Variants in HOXC4 observed in about 807,000 individuals in gnomAD.
The protein encoded by HOXC4 is homeobox protein Hox-C4.
A neutral mutation model predicts 25.5 loss-of-function variants in HOXC4; 15 were observed. The ratio of observed to expected loss-of-function variants is 0.59; its 90% CI spans 0.39 to 0.91. The LOEUF is 0.91. Ranked by LOEUF, HOXC4 falls within the 40% of genes least tolerant of loss-of-function variation. The pLI is 0.00. For missense variants in HOXC4, 342 were observed against 352.4 expected, an observed-to-expected ratio of 0.97 and a Z score of 0.24; for synonymous variants, 165 against 148.0, an observed-to-expected ratio of 1.11 and a Z score of -0.83.
intron 1 of HOXC4, among the ~76,000 whole-genome samples, chr12:54,032,679 A>G (rs770478155): frequency 2.6e-5 from 4 of 152,160 alleles, no homozygotes; most frequent in Non-Finnish European, 5.9e-5. Context: ...TCTCCTTCAC[A>G]GTGTAGGAAA....
At chr12:54,045,963 A>G (rs369632216) in intron 1 of HOXC4, among the ~76,000 whole-genome samples, 1 of 152,190 alleles carries the variant, frequency 6.6e-6, no homozygotes, top group East Asian at 1.9e-4. Flanking sequence ...GAAGGGGGAG[A>G]GAAGAAAGGG....
At chr12:54,025,087 G>A (rs960491185) in intron 1 of HOXC4, among the ~76,000 whole-genome samples, 1 of 152,204 alleles carries the variant, frequency 6.6e-6, no homozygotes. Flanking sequence ...AAGGAGACCT[G>A]CAAGCCTGAT....
At chr12:54,046,533 G>A (rs1937708970) in intron 1 of HOXC4, among the ~76,000 whole-genome samples, 1 of 150,128 alleles carries the variant, frequency 6.7e-6, no homozygotes, top group Non-Finnish European at 1.5e-5. Context: ...TCTCCTTGAG[G>A]GAAATATATA....
chr12:54,052,851 G>T (rs557528567), upstream of HOXC4, among the ~76,000 whole-genome samples: 22 of 152,288 alleles, frequency 1.4e-4, no homozygotes, highest in African/African-American at 4.3e-4. Flanking sequence ...AAGCAAGCAG[G>T]CTCTACCCAC....
At chr12:54,031,609 A>T (rs1940990426) in intron 1 of HOXC4, among the ~76,000 whole-genome samples, 1 of 152,146 alleles carries the variant, frequency 6.6e-6, no homozygotes, top group Non-Finnish European at 1.5e-5. Context: ...GTGGGCCTAC[A>T]GGGAGAGGTG....
rs918126938 is a variant in HOXC4, at chr12:54,026,358, C to T, written c.-124+8944C>T. On this transcript the variant is annotated intron_variant, in intron 1 of 3. Coordinates refer to the HOXC4 transcript ENST00000303406. Reference sequence around the variant, plus strand: ...GTTGGAAACCTCTGCTCAGGCATGCCATGAATTCGAGGACAGCTGGATTCT... The same window carrying T: ...GTTGGAAACCTCTGCTCAGGCATGCTATGAATTCGAGGACAGCTGGATTCT... Among the ~76,000 whole-genome samples, 4 of 152,280 alleles carry T rather than the reference C, an allele frequency of 2.6e-5. No homozygotes were observed. The East Asian group carries it at 7.7e-4, about 29-fold the overall frequency.
At chr12:54,033,258 A>G in intron 1 of HOXC4, 1 of 1,614,174 alleles carries the variant, frequency 6.2e-7, no homozygotes, top group African/African-American at 1.3e-5. Flanking sequence ...ATTGGACTTA[A>G]GCATCACTTT....
chr12:54,022,875 A>G (rs1235423443), intron 1 of HOXC4, among the ~76,000 whole-genome samples: 1 of 152,236 alleles, frequency 6.6e-6, no homozygotes, highest in Non-Finnish European at 1.5e-5. Context: ...GTGGAGGGGT[A>G]TAGAAGAAGC....
At chr12:54,033,627 G>A in intron 1 of HOXC4, 1 of 1,386,712 alleles carries the variant, frequency 7.2e-7, no homozygotes, top group Non-Finnish European at 9.6e-7. Context: ...GGGTTTTATA[G>A]GCCATGCGGG....
chr12:54,029,111 C>G (rs928888084), intron 1 of HOXC4, among the ~76,000 whole-genome samples: 1 of 152,002 alleles, frequency 6.6e-6, no homozygotes, highest in Non-Finnish European at 1.5e-5. Context: ...GGGCCTGGCC[C>G]CCTTGGCCCC....
intron 1 of HOXC4, chr12:54,034,731 G>A (rs1418813938): frequency 1.5e-5 from 8 of 524,200 alleles, no homozygotes; most frequent in Non-Finnish European, 2.8e-5. Context: ...GGTACCCGGG[G>A]CCCAGGGCAA....
At chr12:54,020,821 C>T (rs1190449457) in intron 1 of HOXC4, 1 of 152,202 alleles carries the variant, frequency 6.6e-6, no homozygotes, top group Non-Finnish European at 1.5e-5. Context: ...TAAAGGCTTT[C>T]TCAGACCTTA....
Sources: allele counts gnomAD v4.1 joint callset (sites outside exome capture counted in the v4.1 genomes callset), GRCh38; gene constraint gnomAD v4.1.1; transcripts MANE v1.5; gene names NCBI Gene and HGNC (gene_info 2026-07-23, HGNC 2026-07-21).